DISC1: variants seen among roughly 807,000 people sequenced by gnomAD.
DISC1 encodes the protein disrupted in schizophrenia 1 protein.
DISC1 carries 57 observed loss-of-function variants against 84.5 expected under a neutral mutation model. The ratio of observed to expected loss-of-function variants is 0.67; its 90% confidence interval spans 0.55 to 0.84. The LOEUF is 0.84. Among genes scored for constraint, DISC1 ranks in the 40% least tolerant of loss-of-function variants. The pLI, the probability that DISC1 is intolerant of heterozygous loss-of-function variation, is 0.00. For synonymous variants in DISC1, 411 were observed against 415.2 expected, an observed-to-expected ratio of 0.99 and a Z score of 0.12; for missense variants, 1,000 against 1,057.8, an observed-to-expected ratio of 0.95 and a Z score of 0.76.
Position 231,818,400 on chromosome 1 carries a change from G to C in DISC1, c.1864G>C (p.Glu622Gln), listed in dbSNP as rs770293338. Residue 622 changes from glutamate (E) to glutamine (Q), a missense_variant, in exon 9 of 13, where the codon GAG becomes CAG. Physicochemically the swap from Glu to Gln is conservative, Grantham distance 29. Transcript: ENST00000439617. ...ATTAACATCAGAGAGAGAAGGGCTGGAGGGACTCCTCAGCAAGCTGTTGGT... is the reference window on the plus strand; with the variant it reads ...ATTAACATCAGAGAGAGAAGGGCTGCAGGGACTCCTCAGCAAGCTGTTGGT... The part of the protein sequence containing the change: ...RSLTSEREGL[E>Q]GLLSKLLVLS... 6.2e-7 allele frequency: 1 copy of C among 1,614,048 alleles called. No homozygotes were observed. The highest frequency in any genetic ancestry group is 1.1e-5 in the South Asian group (1 of 91,090).
rs2077329599 is a variant in DISC1, at chr1:231,780,442, A to G, written c.1634+9372A>G. On this transcript the variant is annotated intron_variant, in intron 6 of 12. Transcript: ENST00000439617. ...CATCACTGGCCATCAGAGAAATGCAAATCAAAACCACAATGAGATACCATC... is the reference window on the plus strand; with the variant it reads ...CATCACTGGCCATCAGAGAAATGCAGATCAAAACCACAATGAGATACCATC... Among the ~76,000 whole-genome samples, 2 of 151,522 alleles carry G rather than the reference A, an allele frequency of 1.3e-5. 1 individual carries two copies. Among genetic ancestry groups the G allele is most frequent in the South Asian group, 4.2e-4 (2 of 4,794 alleles).
intron 12 of DISC1, among the ~76,000 whole-genome samples, chr1:232,029,309 T>C (rs1669779414): frequency 6.6e-6 from 1 of 152,182 alleles, no homozygotes; most frequent in African/African-American, 2.4e-5. Flanking sequence ...ACAGAAGGTG[T>C]CTTTGAATTC....
At position 231,862,282 on chromosome 1, in the gene DISC1, G is replaced by A. The variant is rs376353917; in HGVS notation, c.1981+43765G>A. ...AGCTATTATTAGGCAGAGCAGAGAC[G>A]GAATGCTGCCTCTGAGCTGAGCATT... On this transcript the variant is annotated intron_variant, in intron 9 of 12. Coordinates refer to ENST00000439617, the MANE Select transcript of DISC1 (RefSeq NM_018662.3). Among the ~76,000 whole-genome samples the A allele has an allele frequency of 2.0e-4, 31 of 152,278 alleles. No homozygotes were observed. In the East Asian group the frequency reaches 2.9e-3, roughly 14 times the overall value.
At chr1:231,843,897 G>T (rs932705175) in intron 9 of DISC1, among the ~76,000 whole-genome samples, 1 of 152,194 alleles carries the variant, frequency 6.6e-6, no homozygotes. Flanking sequence ...CTGACTGACG[G>T]CAGGGCTTTG....
intron 10 of DISC1, among the ~76,000 whole-genome samples, chr1:231,970,727 G>T (rs553657195): frequency 1.3e-5 from 2 of 152,332 alleles, no homozygotes; most frequent in South Asian, 2.1e-4. Flanking sequence ...CATTAAACAG[G>T]TTCCACTGTG....
intron 9 of DISC1, among the ~76,000 whole-genome samples, chr1:231,930,280 C>T (rs891772364): frequency 2.0e-5 from 3 of 152,086 alleles, no homozygotes; most frequent in African/African-American, 7.2e-5. Flanking sequence ...GGGACGCACA[C>T]GGAGTTCACA....
intron 12 of DISC1, 54 bp downstream of exon 12, chr1:232,026,606 G>A: frequency 7.3e-7 from 1 of 1,375,424 alleles, no homozygotes. Flanking sequence ...ATAAAAGAGA[G>A]TCTTTAAAGG....
chr1:231,808,246 C>A (rs1052823012), intron 8 of DISC1, among the ~76,000 whole-genome samples: 1 of 152,118 alleles, frequency 6.6e-6, no homozygotes, highest in Non-Finnish European at 1.5e-5. Context: ...GTTTTAATGT[C>A]CTGTGAGGGC....
chr1:231,891,600 T>C (rs576666401), intron 9 of DISC1, among the ~76,000 whole-genome samples: 7 of 152,246 alleles, frequency 4.6e-5, no homozygotes, highest in African/African-American at 1.7e-4. Context: ...ATGTAGGGGC[T>C]GCCCCTAGTT....
rs755631643 is a variant in DISC1, at chr1:231,694,593, C to T, written c.835C>T (p.Gln279Ter). 1 of 1,614,150 alleles carries T rather than the reference C, an allele frequency of 6.2e-7. No homozygotes were observed. Among genetic ancestry groups the T allele is most frequent in the East Asian group, 2.2e-5 (1 of 44,902 alleles). ...TACACGGGTCTCTGCAGACTTGGCCCAGGCCGCAAGGAACAGCTCCAGGCC... is the reference window on the plus strand; with the variant it reads ...TACACGGGTCTCTGCAGACTTGGCCTAGGCCGCAAGGAACAGCTCCAGGCC... ...LATRVSADLA[Q>*]AARNSSRPER... Residue 279 changes from glutamine (Q) to a stop codon, truncating the protein, a stop_gained, in exon 2 of 13, where the codon CAG becomes TAG. Transcript: ENST00000439617. LOFTEE classifies it high-confidence loss of function.
rs60818301 is a variant in DISC1, at chr1:231,756,516, C to CGAGAGAGAGAGA, written c.1268+6477_1268+6488dup. Among the ~76,000 whole-genome samples the CGAGAGAGAGAGA allele has an allele frequency of 1.7e-3, 225 of 133,512 alleles. 4 individuals are homozygous for CGAGAGAGAGAGA. The highest frequency in any genetic ancestry group is 5.1e-3 in the African/African-American group (172 of 33,972). The allele number at this position is 133,512 out of a possible 152,430, so 87.6% of individuals were successfully genotyped here. ...GGTTCACAAACGTATATGTGAATATCGAGAGAGAGAGAGAGAGAGAGAGAG... is the reference window on the plus strand; with the variant it reads ...GGTTCACAAACGTATATGTGAATATCGAGAGAGAGAGAGAGAGAGAGAGAGAGAGAGAGAGAG... On this transcript the variant is annotated intron_variant, in intron 4 of 12. Coordinates refer to ENST00000439617, the MANE Select transcript of DISC1 (RefSeq NM_018662.3).
chr1:231,814,303 GACA>G (rs1301453183), intron 8 of DISC1, among the ~76,000 whole-genome samples: 1 of 152,108 alleles, frequency 6.6e-6, no homozygotes, highest in Admixed American at 6.5e-5. Context: ...TGTAAAAGGA[GACA>G]ACAATATGAA....
intron 9 of DISC1, among the ~76,000 whole-genome samples, chr1:231,847,245 C>T (rs1340326334): frequency 1.3e-5 from 2 of 152,090 alleles, no homozygotes; most frequent in Admixed American, 6.5e-5. Context: ...TCTGTGTCCT[C>T]ATCTCCTCTC....
chr1:231,645,929 CACTT>C (rs1237091754), intron 1 of DISC1, among the ~76,000 whole-genome samples: 1 of 150,180 alleles, frequency 6.7e-6, no homozygotes, highest in East Asian at 2.0e-4. Flanking sequence ...TAACAATACT[CACTT>C]TCAACAATTT....
At position 231,675,309 on chromosome 1, in the gene DISC1, G is replaced by A. The variant is rs535361908; in HGVS notation, c.68-18517G>A. ...TTTGGGATGATTGCTGGGTCCTGGGGTCTCTCTCCCTGCCTCTTCCCCAGC... is the reference window on the plus strand; with the variant it reads ...TTTGGGATGATTGCTGGGTCCTGGGATCTCTCTCCCTGCCTCTTCCCCAGC... On this transcript the variant is annotated intron_variant, in intron 1 of 12. Transcript: ENST00000439617. This position sits in a 1 kb window ranked among gnomAD's most constrained non-coding sequence, Gnocchi z 4.1. Among the ~76,000 whole-genome samples the A allele has an allele frequency of 2.2e-4, 34 of 152,040 alleles. No individual in the cohort carries two copies. Among genetic ancestry groups the A allele is most frequent in the African/African-American group, 7.7e-4 (32 of 41,482 alleles).
At chr1:231,899,848 A>AT (rs1428992923) in intron 9 of DISC1, among the ~76,000 whole-genome samples, 2 of 152,066 alleles carry the variant, frequency 1.3e-5, no homozygotes, top group African/African-American at 4.8e-5. Context: ...AAATACAGAG[A>AT]TTTTCCATTC....
intron 1 of DISC1, among the ~76,000 whole-genome samples, chr1:231,652,511 CTTG>C (rs2060718347): frequency 6.6e-6 from 1 of 152,078 alleles, no homozygotes; most frequent in African/African-American, 2.4e-5. Context: ...TCAAACATAG[CTTG>C]TTGTTTTTAT....
intron 6 of DISC1, among the ~76,000 whole-genome samples, chr1:231,779,866 C>A (rs906601603): frequency 2.0e-5 from 3 of 152,106 alleles, no homozygotes; most frequent in Non-Finnish European, 4.4e-5. Context: ...CCTTGGTCAA[C>A]CTATTCTGTG....
chr1:231,894,933 C>CCA (rs375216874), intron 9 of DISC1, among the ~76,000 whole-genome samples: 8 of 148,944 alleles, frequency 5.4e-5, no homozygotes, highest in South Asian at 2.1e-4. Flanking sequence ...ACACACACAC[C>CCA]CACACACACA....
Sources: allele counts gnomAD v4.1 joint callset (sites outside exome capture counted in the v4.1 genomes callset), GRCh38; gene constraint gnomAD v4.1.1; non-coding constraint Gnocchi (gnomAD v3.1); transcripts MANE v1.5; gene names NCBI Gene and HGNC (gene_info 2026-07-23, HGNC 2026-07-21).